The following BMPR1B variants were observed in gnomAD, a reference collection of about 807,000 sequenced individuals.
The protein encoded by BMPR1B is bone morphogenetic protein receptor type-1B.
A neutral mutation model predicts 59.1 loss-of-function variants in BMPR1B; 12 were observed. The observed-to-expected ratio is 0.20, with a 90% CI of 0.13 to 0.33. The LOEUF is 0.33. BMPR1B is among the 10% of genes least tolerant of loss of function. The pLI, the probability that BMPR1B is intolerant of heterozygous loss-of-function variation, is 1.00. For missense variants in BMPR1B, 550 were observed against 610.9 expected (o/e 0.90, Z 1.05); for synonymous variants, 237 against 207.3 (o/e 1.14, Z -1.23).
intron 2 of BMPR1B, among the ~76,000 whole-genome samples, chr4:94,955,675 G>C (rs1332891267): frequency 1.4e-5 from 2 of 141,064 alleles, no homozygotes; most frequent in East Asian, 3.9e-4. Context: ...TGTCACCCAG[G>C]CTGGAGTGCA....
intron 1 of BMPR1B, among the ~76,000 whole-genome samples, chr4:94,847,961 A>C (rs1224928553): frequency 1.3e-5 from 2 of 152,216 alleles, no homozygotes; most frequent in African/African-American, 4.8e-5. Flanking sequence ...TAAATGCTTA[A>C]GGTATTGGTT....
chr4:95,131,131 T>C, intron 9 of BMPR1B, 84 bp from the exon 10 acceptor site: 1 of 1,391,972 alleles, frequency 7.2e-7, no homozygotes, highest in Non-Finnish European at 1.0e-6. Context: ...AAATTATCTA[T>C]GACAAAGAAT....
intron 1 of BMPR1B, among the ~76,000 whole-genome samples, chr4:94,858,094 C>T (rs908944558): frequency 4.8e-5 from 7 of 146,750 alleles, no homozygotes; most frequent in South Asian, 2.3e-4. Context: ...TACAGGTGCC[C>T]ACCACCACGC....
In BMPR1B at chr4:94,933,757, A is replaced by C. The variant is rs115910861; in HGVS notation, c.-113+57857A>C. On this transcript the variant is annotated intron_variant, in intron 2 of 12. Coordinates refer to ENST00000515059, the MANE Select transcript of BMPR1B (RefSeq NM_001203.3). ...TCATTTCTCATTACTGTTCTCAGAG[A>C]TATTTGAGACAATCTCAACACCCAA... Among the ~76,000 whole-genome samples the C allele has an allele frequency of 7.3e-3, 1,106 of 152,230 alleles. 9 individuals carry two copies. The highest frequency in any genetic ancestry group is 0.021 in the African/African-American group (854 of 41,568).
rs73838623 is a variant in BMPR1B at position 94,935,970 on chromosome 4, A to T, written c.-113+60070A>T. ...TGTTAGACTATAATGTAAGCCTTGG[A>T]TTAATTTTTTTTCCTGTATTATTGT... On this transcript the variant is annotated intron_variant, in intron 2 of 12. Coordinates refer to ENST00000515059, the MANE Select transcript of BMPR1B (RefSeq NM_001203.3). Among the ~76,000 whole-genome samples, 1,270 of 135,142 alleles carry T rather than the reference A, an allele frequency of 9.4e-3. 24 individuals are homozygous for T. Among genetic ancestry groups the T allele is most frequent in the African/African-American group, 0.032 (1,171 of 36,410 alleles). The allele number at this position is 135,142 out of a possible 152,430, so 88.7% of individuals were successfully genotyped here.
chr4:95,077,684 C>T (rs1728816986), intron 3 of BMPR1B, among the ~76,000 whole-genome samples: 1 of 151,950 alleles, frequency 6.6e-6, no homozygotes. Context: ...ACTGGCTTTT[C>T]GTGATTATAT....
At chr4:94,989,316 G>A (rs191058805) in intron 2 of BMPR1B, among the ~76,000 whole-genome samples, 51 of 151,608 alleles carry the variant, frequency 3.4e-4, no homozygotes, top group Non-Finnish European at 3.8e-4. Context: ...TTGAATCCAG[G>A]CGGTGGAGGT....
chr4:94,862,539 C>T (rs965251777), intron 1 of BMPR1B, among the ~76,000 whole-genome samples: 1 of 151,308 alleles, frequency 6.6e-6, no homozygotes, highest in Admixed American at 6.6e-5. Context: ...CATGGTGGCT[C>T]ATGCCTGTAA....
chr4:94,850,987 G>A lies in BMPR1B; in HGVS notation c.-182-24844G>A, dbSNP rs117721116. Among the ~76,000 whole-genome samples, 82 of 152,222 alleles carry A rather than the reference G, an allele frequency of 5.4e-4. No homozygotes were observed. In the East Asian group the frequency reaches 0.013, roughly 23 times the overall value. On this transcript the variant is annotated intron_variant, in intron 1 of 12. Coordinates refer to ENST00000515059, the MANE Select transcript of BMPR1B (RefSeq NM_001203.3). Reference sequence around the variant, plus strand: ...CTGTAAATGTTTACTACTTGTAGAAGGTAATCACTAAACGTTTATTAGATA... The same window carrying A: ...CTGTAAATGTTTACTACTTGTAGAAAGTAATCACTAAACGTTTATTAGATA...
chr4:94,972,879 G>A (rs894600777), intron 2 of BMPR1B, among the ~76,000 whole-genome samples: 53 of 152,298 alleles, frequency 3.5e-4, no homozygotes, highest in African/African-American at 1.3e-3. Context: ...CAGGACAGGG[G>A]TGCCTCATTT....
chr4:94,848,629 A>G (rs374967778), intron 1 of BMPR1B, among the ~76,000 whole-genome samples: 1 of 24,654 alleles, frequency 4.1e-5, no homozygotes, highest in African/African-American at 4.9e-4. Context: ...GTGACATGGA[A>G]AGTCATTGGA....
intron 2 of BMPR1B, among the ~76,000 whole-genome samples, chr4:94,914,718 T>C (rs945087598): frequency 4.6e-5 from 7 of 152,120 alleles, no homozygotes; most frequent in Non-Finnish European, 8.8e-5. Flanking sequence ...ATGAAATATT[T>C]GGTGGTGATC....
At chr4:95,031,024 A>C (rs7698733) in intron 3 of BMPR1B, among the ~76,000 whole-genome samples, 64,628 of 151,216 alleles carry the variant, frequency 0.43, 14,310 homozygotes, top group East Asian at 0.71. Context: ...AAACTACTTT[A>C]AAGTTCATAT....
intron 3 of BMPR1B, among the ~76,000 whole-genome samples, chr4:95,054,858 C>T (rs952824031): frequency 4.0e-5 from 6 of 151,746 alleles, no homozygotes; most frequent in Non-Finnish European, 7.4e-5. Context: ...CCCGTCCTGA[C>T]GAGGATAGGC....
At chr4:94,792,634 C>G (rs1326069909) in intron 1 of BMPR1B, among the ~76,000 whole-genome samples, 1 of 152,104 alleles carries the variant, frequency 6.6e-6, no homozygotes, top group African/African-American at 2.4e-5. Context: ...TATTTATTGT[C>G]TGGTATCCTT....
In BMPR1B at chr4:95,154,529, TA is replaced by T; in HGVS notation, c.1384-17del. ...CAGCCTTGCAGATGATACATTTTTC[TA>T]ACATTTCTCTTCCTCAGTGTCTAAG... On this transcript the variant is annotated intron_variant, in intron 12 of 12. Coordinates refer to ENST00000515059, the MANE Select transcript of BMPR1B (RefSeq NM_001203.3). 1.2e-6 allele frequency: 2 copies of T among 1,614,058 alleles called. No individual in the cohort carries two copies.
At chr4:95,032,266 AGT>A (rs1262374923) in intron 3 of BMPR1B, among the ~76,000 whole-genome samples, 1 of 151,940 alleles carries the variant, frequency 6.6e-6, no homozygotes, top group Non-Finnish European at 1.5e-5. Context: ...AGAGAGAGAG[AGT>A]GAGAGAGAGC....
chr4:94,934,696 G>T (rs1380315900), intron 2 of BMPR1B, among the ~76,000 whole-genome samples: 1 of 151,990 alleles, frequency 6.6e-6, no homozygotes, highest in Non-Finnish European at 1.5e-5. Flanking sequence ...TGCAACTTTT[G>T]TGTGCTTTCT....
intron 3 of BMPR1B, among the ~76,000 whole-genome samples, chr4:95,027,947 T>C (rs2114535): frequency 0.99 from 151,332 of 152,318 alleles, 75,180 homozygotes; most frequent in Middle Eastern, 1. Context: ...CACACTCTTA[T>C]TCAATTGATT....
Sources: gnomAD v4.1 joint callset for allele counts (sites outside exome capture counted in the v4.1 genomes callset) on GRCh38, gnomAD v4.1.1 for gene constraint, MANE v1.5 for transcripts, NCBI Gene and HGNC (gene_info 2026-07-23, HGNC 2026-07-21) for gene names.